The following LDLRAD4 variants were observed in gnomAD, a reference collection of about 807,000 sequenced individuals.
The protein encoded by LDLRAD4 is low density lipoprotein receptor class A domain containing 4.
Under a neutral mutation model 17.0 loss-of-function variants are expected in LDLRAD4, and 5 were observed. The ratio of observed to expected loss-of-function variants is 0.29; its 90% CI spans 0.15 to 0.62. The LOEUF (loss-of-function observed/expected upper bound fraction) is 0.62, where lower values mean the gene tolerates loss of function less well. Ranked by LOEUF, LDLRAD4 falls within the 20% of genes least tolerant of loss-of-function variation. The pLI is 0.84. For missense variants in LDLRAD4, 340 were observed against 424.7 expected (o/e 0.80, Z 1.75); for synonymous variants, 168 against 171.8 (o/e 0.98, Z 0.17).
chr18:13,306,600 G>A (rs991427125), intron 1 of LDLRAD4, among the ~76,000 whole-genome samples: 2 of 152,202 alleles, frequency 1.3e-5, no homozygotes, highest in African/African-American at 2.4e-5. Flanking sequence ...ATAACGCTGT[G>A]AAGGAGAACC....
At chr18:13,484,869 G>A (rs1055556026) in intron 3 of LDLRAD4, among the ~76,000 whole-genome samples, 6 of 152,232 alleles carry the variant, frequency 3.9e-5, no homozygotes, top group South Asian at 2.1e-4. Flanking sequence ...GCTTGCTTAA[G>A]CCCACCCTTG....
intron 1 of LDLRAD4, among the ~76,000 whole-genome samples, chr18:13,370,007 C>T (rs1202300488): frequency 6.6e-6 from 1 of 152,192 alleles, no homozygotes; most frequent in Admixed American, 6.5e-5. Flanking sequence ...GAATGCGTCT[C>T]CATTAGCATG....
chr18:13,383,959 A>G (rs2085589070), intron 1 of LDLRAD4, among the ~76,000 whole-genome samples: 4 of 152,086 alleles, frequency 2.6e-5, no homozygotes, highest in Admixed American at 2.6e-4. Flanking sequence ...GCATTGGGGG[A>G]GACTCAGAGT....
intron 3 of LDLRAD4, among the ~76,000 whole-genome samples, chr18:13,560,574 G>A (rs1416558477): frequency 1.3e-5 from 2 of 152,158 alleles, no homozygotes; most frequent in Admixed American, 1.3e-4. Context: ...CCTTCATAAC[G>A]CCAAAGTGGC....
chr18:13,313,858 T>C (rs1160586565), intron 1 of LDLRAD4, among the ~76,000 whole-genome samples: 2 of 152,160 alleles, frequency 1.3e-5, no homozygotes, highest in African/African-American at 2.4e-5. Flanking sequence ...GATGACATAT[T>C]TTAGCGTTTG....
intron 3 of LDLRAD4, among the ~76,000 whole-genome samples, chr18:13,531,313 CT>C (rs1324600768): frequency 1.3e-5 from 2 of 152,122 alleles, no homozygotes; most frequent in Non-Finnish European, 2.9e-5. Flanking sequence ...AATAATCACA[CT>C]TTGGCCGTGC....
At chr18:13,232,598 A>G (rs11872424) in intron 1 of LDLRAD4, among the ~76,000 whole-genome samples, 4,141 of 151,630 alleles carry the variant, frequency 0.027, 188 homozygotes, top group African/African-American at 0.094. Flanking sequence ...ACAAGCCTCT[A>G]TGTCACCTCG....
At chr18:13,301,414 C>A (rs2046591759) in intron 1 of LDLRAD4, among the ~76,000 whole-genome samples, 1 of 149,726 alleles carries the variant, frequency 6.7e-6, no homozygotes, top group African/African-American at 2.5e-5. Context: ...GATAGGGTGA[C>A]AGAAGGCTGG....
chr18:13,226,180 C>CTCTTTTTTTTTTTTTTTTT (rs71370946), intron 1 of LDLRAD4, among the ~76,000 whole-genome samples: 20 of 52,188 alleles, frequency 3.8e-4, no homozygotes, highest in African/African-American at 1.6e-3. Flanking sequence ...CCATGCCTTG[C>CTCTTTTTTTTTTTTTTTTT]TTTTTTTTTT....
At chr18:13,372,841 C>T (rs560480451) in intron 1 of LDLRAD4, among the ~76,000 whole-genome samples, 3 of 152,336 alleles carry the variant, frequency 2.0e-5, no homozygotes, top group African/African-American at 7.2e-5. Context: ...GTTGGGGCTG[C>T]GTCCCTGTCT....
intron 3 of LDLRAD4, among the ~76,000 whole-genome samples, chr18:13,608,173 C>T (rs1333203413): frequency 6.6e-6 from 1 of 150,578 alleles, no homozygotes; most frequent in African/African-American, 2.4e-5. Flanking sequence ...AAAAAAAAAG[C>T]TCATCATCAC....
chr18:13,517,735 T>C lies in LDLRAD4; in HGVS notation c.181+79351T>C, dbSNP rs553705582. On this transcript the variant is annotated intron_variant, in intron 3 of 5. Coordinates refer to ENST00000359446, the Ensembl canonical transcript of LDLRAD4. ...TCTTATAATATGTCTGGACATGACT[T>C]TCTTTTTTTTTGTTTGTTTTTGAGA... is the stretch of plus-strand genomic sequence containing the variant. 2.2e-5 allele frequency among the ~76,000 whole-genome samples: 3 copies of C among 134,852 alleles called. No homozygotes were observed. The South Asian group carries it at 7.0e-4, about 31-fold the overall frequency. 88.5% of individuals were successfully genotyped at this position (134,852 alleles called of 152,430 possible).
chr18:13,368,154 C>T (rs2084205432), intron 1 of LDLRAD4, among the ~76,000 whole-genome samples: 1 of 152,004 alleles, frequency 6.6e-6, no homozygotes. Flanking sequence ...GGTGTGGAGC[C>T]CAGGGGATGC....
intron 1 of LDLRAD4, among the ~76,000 whole-genome samples, chr18:13,229,209 G>A (rs577381072): frequency 3.9e-5 from 6 of 152,294 alleles, no homozygotes; most frequent in African/African-American, 1.4e-4. Flanking sequence ...TCGGGTAAAG[G>A]CCTCCTGAGG....
rs1021571375 is a variant in LDLRAD4, at chr18:13,387,441, G to A, written c.-282G>A. 1.9e-5 allele frequency: 7 copies of A among 369,698 alleles called. No individual in the cohort carries two copies. The highest frequency in any genetic ancestry group is 2.2e-5 in the African/African-American group (1 of 45,442). The allele number at this position is 369,698 out of a possible 1,614,324, so 22.9% of individuals were successfully genotyped here. ...GGCAGCGGCGTGGCCAGGGGCGCCCGTGTTCTGAGGGCCTGAGGGCCAGCC... is the reference window on the plus strand; with the variant it reads ...GGCAGCGGCGTGGCCAGGGGCGCCCATGTTCTGAGGGCCTGAGGGCCAGCC... On this transcript the variant is annotated 5_prime_UTR_variant, in exon 2 of 6. It adds an upstream start codon to the 5' untranslated region. Transcript: ENST00000359446.
intron 2 of LDLRAD4, among the ~76,000 whole-genome samples, chr18:13,404,083 A>C (rs1023907202): frequency 6.6e-6 from 1 of 152,132 alleles, no homozygotes; most frequent in Non-Finnish European, 1.5e-5. Context: ...AATGACTTCC[A>C]TCTCTCCCTC....
intron 3 of LDLRAD4, among the ~76,000 whole-genome samples, chr18:13,516,624 G>C (rs1186760828): frequency 6.6e-6 from 1 of 152,240 alleles, no homozygotes; most frequent in South Asian, 2.1e-4. Context: ...CACTATTTTT[G>C]ATTCAGGGAT....
intron 3 of LDLRAD4, among the ~76,000 whole-genome samples, chr18:13,579,904 T>C (rs2094832348): frequency 6.6e-6 from 1 of 152,150 alleles, no homozygotes; most frequent in Non-Finnish European, 1.5e-5. Context: ...CTCTACAGTG[T>C]CCCTTCTCAG....
At chr18:13,332,273 G>A (rs907133099) in intron 1 of LDLRAD4, among the ~76,000 whole-genome samples, 27 of 152,172 alleles carry the variant, frequency 1.8e-4, no homozygotes, top group African/African-American at 6.5e-4. Flanking sequence ...GCAGTTTTAA[G>A]TTCACAGCCA....
Sources: allele counts gnomAD v4.1 joint callset (sites outside exome capture counted in the v4.1 genomes callset), GRCh38; gene constraint gnomAD v4.1.1; transcripts MANE v1.5; gene names NCBI Gene and HGNC (gene_info 2026-07-23, HGNC 2026-07-21).